Variants in LMNTD1 observed in about 807,000 individuals in gnomAD.
LMNTD1 encodes the protein lamin tail domain-containing protein 1.
Under a neutral mutation model 50.9 loss-of-function variants are expected in LMNTD1, and 35 were observed. That is an observed-to-expected ratio of 0.69 (90% confidence interval 0.53 to 0.91). LMNTD1 has a LOEUF of 0.91. Among genes scored for constraint, LMNTD1 ranks in the 40% least tolerant of loss-of-function variants. The pLI is 0.00. For missense variants in LMNTD1, 470 were observed against 475.5 expected, an observed-to-expected ratio of 0.99 and a Z score of 0.11; for synonymous variants, 153 against 161.9, an observed-to-expected ratio of 0.94 and a Z score of 0.42.
intron 4 of LMNTD1, among the ~76,000 whole-genome samples, chr12:25,530,742 G>T (rs1942167313): frequency 6.6e-6 from 1 of 152,064 alleles, no homozygotes; most frequent in African/African-American, 2.4e-5. Flanking sequence ...AACCCTTTGT[G>T]GTAAGCAAAA....
At chr12:25,592,519 C>A (rs2136480194) in intron 1 of LMNTD1, 1 of 152,252 alleles carries the variant, frequency 6.6e-6, no homozygotes, top group African/African-American at 2.4e-5. Context: ...ATTTAGAGAG[C>A]CAAACAAAAT....
At chr12:25,597,577 C>G (rs914853215) in intron 1 of LMNTD1, among the ~76,000 whole-genome samples, 1 of 152,092 alleles carries the variant, frequency 6.6e-6, no homozygotes, top group African/African-American at 2.4e-5. Context: ...ACTTTCAACA[C>G]TGGACAGACC....
chr12:25,555,449 C>CT (rs1266812305), upstream of LMNTD1, among the ~76,000 whole-genome samples: 1 of 152,098 alleles, frequency 6.6e-6, no homozygotes, highest in Non-Finnish European at 1.5e-5. Context: ...TTAAAAGACA[C>CT]TTTTTGTAAT....
At chr12:25,553,357 C>A, upstream of LMNTD1, 1 of 812,682 alleles carries the variant, frequency 1.2e-6, no homozygotes, top group Non-Finnish European at 1.7e-6. Flanking sequence ...GTTCCAGTTT[C>A]TGAACAATTC....
chr12:25,484,619 G>A (rs1464112530), intron 9 of LMNTD1, among the ~76,000 whole-genome samples: 2 of 148,410 alleles, frequency 1.3e-5, no homozygotes, highest in Non-Finnish European at 3.0e-5. Flanking sequence ...TCATCATCTA[G>A]CATTAGGTAT....
At chr12:25,565,304 G>A (rs1944510680) in intron 1 of LMNTD1, among the ~76,000 whole-genome samples, 1 of 151,662 alleles carries the variant, frequency 6.6e-6, no homozygotes, top group South Asian at 2.1e-4. Context: ...TTTCTCTGCT[G>A]ATATGATTTA....
chr12:25,610,641 G>A (rs1467579266), intron 1 of LMNTD1, among the ~76,000 whole-genome samples: 1 of 152,192 alleles, frequency 6.6e-6, no homozygotes, highest in Non-Finnish European at 1.5e-5. Flanking sequence ...GAAAGGCAAT[G>A]AGAGGCTGAA....
chr12:25,546,587 G>T (rs1292210057), intron 3 of LMNTD1, 33 bp from the exon 4 acceptor site: 1 of 1,375,432 alleles, frequency 7.3e-7, no homozygotes. Flanking sequence ...AAGTAACCAG[G>T]AAAGAAGTAA....
intron 1 of LMNTD1, among the ~76,000 whole-genome samples, chr12:25,558,695 G>T (rs1044786176): frequency 2.6e-5 from 4 of 152,202 alleles, no homozygotes; most frequent in Non-Finnish European, 4.4e-5. Flanking sequence ...GACAAAGGAA[G>T]GGCAAAGGGT....
At chr12:25,544,469 T>G (rs1943300803) in intron 4 of LMNTD1, among the ~76,000 whole-genome samples, 2 of 151,820 alleles carry the variant, frequency 1.3e-5, no homozygotes, top group Admixed American at 6.6e-5. Context: ...GAAGTGGGTT[T>G]CTTCTAGGCA....
At chr12:25,518,344 C>T (rs887467510) in intron 8 of LMNTD1, among the ~76,000 whole-genome samples, 1 of 152,162 alleles carries the variant, frequency 6.6e-6, no homozygotes, top group African/African-American at 2.4e-5. Context: ...ATCATACTAA[C>T]TCTAAAAGCT....
chr12:25,627,512 A>G (rs1946616472), intron 1 of LMNTD1, among the ~76,000 whole-genome samples: 1 of 152,208 alleles, frequency 6.6e-6, no homozygotes, highest in African/African-American at 2.4e-5. Context: ...ACAATCCTAG[A>G]GAAAAGTGCT....
chr12:25,609,282 A>G (rs1205562978), intron 1 of LMNTD1, among the ~76,000 whole-genome samples: 3 of 152,120 alleles, frequency 2.0e-5, no homozygotes, highest in Admixed American at 6.6e-5. Flanking sequence ...TCCTTTAGCT[A>G]GGAGAAGTTT....
At chr12:25,528,783 C>T (rs994455868) in intron 4 of LMNTD1, among the ~76,000 whole-genome samples, 1 of 152,124 alleles carries the variant, frequency 6.6e-6, no homozygotes, top group Non-Finnish European at 1.5e-5. Flanking sequence ...GATGCTTCAG[C>T]AACTCAGTAC....
At chr12:25,622,978 G>A (rs370656217) in intron 1 of LMNTD1, among the ~76,000 whole-genome samples, 15 of 147,296 alleles carry the variant, frequency 1.0e-4, no homozygotes, top group African/African-American at 2.8e-4. Context: ...ATAAGCTGGC[G>A]GACGACGGGG....
chr12:25,640,399 A>G (rs1025885535), intron 1 of LMNTD1, among the ~76,000 whole-genome samples: 3 of 151,912 alleles, frequency 2.0e-5, no homozygotes, highest in African/African-American at 7.3e-5. Context: ...TAACCTACTC[A>G]AGAGACTGAG....
rs530698974 is a variant in LMNTD1 at position 25,564,881 on chromosome 12, T to C, written c.59-18327A>G. On this transcript the variant is annotated intron_variant, in intron 1 of 7. Coordinates refer to the LMNTD1 transcript ENST00000445693. ...CTATCTCTCTCTTTATCTCTAATAA[T>C]ATTTGCTTTATATATCTGGGTTTTT... Among the ~76,000 whole-genome samples, 4 of 152,298 alleles carry C rather than the reference T, an allele frequency of 2.6e-5. No homozygotes were observed. In the South Asian group the frequency reaches 8.3e-4, roughly 32 times the overall value.
intron 1 of LMNTD1, chr12:25,630,474 G>A (rs547747214): frequency 3.3e-4 from 51 of 152,274 alleles, no homozygotes; most frequent in African/African-American, 1.2e-3. Context: ...CAGGACCCAG[G>A]AGACACCCCA....
chr12:25,538,315 A>G (rs907521788), intron 4 of LMNTD1, among the ~76,000 whole-genome samples: 11 of 149,988 alleles, frequency 7.3e-5, no homozygotes, highest in East Asian at 2.0e-4. Context: ...GTTAAGGGCA[A>G]CCAGAGAGAA....
Sources: allele counts gnomAD v4.1 joint callset (sites outside exome capture counted in the v4.1 genomes callset), GRCh38; gene constraint gnomAD v4.1.1; transcripts MANE v1.5; gene names NCBI Gene and HGNC (gene_info 2026-07-23, HGNC 2026-07-21).